The following ATAD2B variants were observed in gnomAD, a reference collection of about 807,000 sequenced individuals.
ATAD2B encodes ATPase family AAA domain containing 2B, also known as ATPase family AAA domain-containing protein 2B.
In ATAD2B, 40 loss-of-function variants were observed where a neutral mutation model predicts 167.6. That is an observed-to-expected ratio of 0.24 (90% CI 0.19 to 0.31). The LOEUF (loss-of-function observed/expected upper bound fraction) is 0.31, where lower values mean the gene tolerates loss of function less well. ATAD2B is among the 10% of genes least tolerant of loss of function. ATAD2B has a pLI of 1.00. For missense variants in ATAD2B, 1,242 were observed against 1,757.2 expected, an observed-to-expected ratio of 0.71 and a Z score of 5.24; for synonymous variants, 579 against 596.5, an observed-to-expected ratio of 0.97 and a Z score of 0.43.
chr2:23,871,507 A>G (rs1233145357), intron 8 of ATAD2B, among the ~76,000 whole-genome samples: 1 of 152,150 alleles, frequency 6.6e-6, no homozygotes, highest in African/African-American at 2.4e-5. Context: ...AGGAAAAGCT[A>G]TTACTTCAGT....
At chr2:23,733,994 T>C in the ATAD2B span, among the ~76,000 whole-genome samples, 1 of 152,208 alleles carries the variant, frequency 6.6e-6, no homozygotes, top group African/African-American at 2.4e-5. Context: ...CCTGGGGTGT[T>C]CTTCCCTGAT....
At chr2:23,806,688 C>G (rs1182206401) in intron 18 of ATAD2B, among the ~76,000 whole-genome samples, 1 of 152,048 alleles carries the variant, frequency 6.6e-6, no homozygotes, top group East Asian at 1.9e-4. Context: ...TAAAGTCTTA[C>G]CATTCATTAG....
chr2:23,816,190 A>G (rs1300467437), intron 17 of ATAD2B, among the ~76,000 whole-genome samples: 1 of 152,238 alleles, frequency 6.6e-6, no homozygotes, highest in Non-Finnish European at 1.5e-5. Context: ...ACTCTCATAC[A>G]TTAGTATGAG....
At chr2:23,754,409 G>GT (rs1675710351) in intron 26 of ATAD2B, 102 bp from the exon 27 acceptor site, 2 of 1,267,952 alleles carry the variant, frequency 1.6e-6, no homozygotes, top group South Asian at 1.5e-5. Flanking sequence ...AAGCGAGGAT[G>GT]TAACAGTGAA....
At chr2:23,711,542 G>A in the ATAD2B span, among the ~76,000 whole-genome samples, 2 of 151,510 alleles carry the variant, frequency 1.3e-5, no homozygotes, top group African/African-American at 2.4e-5. Context: ...GCTAATTTTT[G>A]TATTTTTAGT....
chr2:23,834,919 A>G (rs1689683823), intron 13 of ATAD2B, among the ~76,000 whole-genome samples: 1 of 152,152 alleles, frequency 6.6e-6, no homozygotes, highest in South Asian at 2.1e-4. Context: ...AAAATTAGGC[A>G]AAAAATTTGT....
chr2:23,754,217 G>A lies in ATAD2B; in HGVS notation c.4297C>T (p.Arg1433Cys), dbSNP rs767161505. The change falls in exon 27 of 28, where the codon CGT becomes TGT. Residue 1433 changes from arginine (R) to cysteine (C), a missense_variant. Arg to Cys is a radical substitution (Grantham distance 180). This residue lies in a region of ATAD2B where 282 missense variants were observed against 346.8 expected (regional missense o/e 0.81). Transcript: ENST00000238789. ...LYSLLSQCIY[R>C]HRKDYDKSQL... ...GATTTGTCATAATCTTTACGATGACGGTAGATACACTGACTAAGAAGAGAA... is the reference window on the plus strand; with the variant it reads ...GATTTGTCATAATCTTTACGATGACAGTAGATACACTGACTAAGAAGAGAA... 10 of 1,557,244 alleles carry A rather than the reference G, an allele frequency of 6.4e-6. No homozygotes were observed. Among genetic ancestry groups the A allele is most frequent in the East Asian group, 2.3e-5 (1 of 42,554 alleles).
intron 22 of ATAD2B, among the ~76,000 whole-genome samples, chr2:23,778,624 T>C (rs568142012): frequency 2.0e-5 from 3 of 152,318 alleles, no homozygotes; most frequent in East Asian, 1.9e-4. Context: ...TCTTATCATG[T>C]CCCAGCTACT....
the ATAD2B span, among the ~76,000 whole-genome samples, chr2:23,699,692 G>A: frequency 3.3e-5 from 5 of 151,992 alleles, no homozygotes; most frequent in Non-Finnish European, 4.4e-5. Context: ...TTGCCTTCTC[G>A]GCGCCCAGCC....
At chr2:23,680,876 G>C in the ATAD2B span, among the ~76,000 whole-genome samples, 1 of 152,156 alleles carries the variant, frequency 6.6e-6, no homozygotes, top group Non-Finnish European at 1.5e-5. This position sits in a 1 kb window ranked among gnomAD's most constrained non-coding sequence, Gnocchi z 4.1. Flanking sequence ...GGTGCCAGGT[G>C]CTTCTGGAAG....
intron 13 of ATAD2B, among the ~76,000 whole-genome samples, chr2:23,840,331 T>C (rs969042148): frequency 7.9e-5 from 12 of 152,330 alleles, no homozygotes; most frequent in Admixed American, 5.2e-4. Context: ...CTAATACTGC[T>C]TATCTGTCTT....
rs1479381182 is a variant in ATAD2B at position 23,863,342 on chromosome 2, A to C, written c.1479+39T>G. ...AAACAAAGAAAGAAAAGAACAGAAC[A>C]GAACAGAAAAGACTCTTGAATTAGA... On this transcript the variant is annotated intron_variant, in intron 12 of 27. Transcript: ENST00000238789. The C allele has an allele frequency of 2.0e-6, 3 of 1,533,002 alleles. No individual in the cohort carries two copies. In the Admixed American group the frequency reaches 6.4e-5, roughly 33 times the overall value. The allele number at this position is 1,533,002 out of a possible 1,614,324, so 95.0% of individuals were successfully genotyped here.
intron 18 of ATAD2B, among the ~76,000 whole-genome samples, chr2:23,799,012 T>C (rs1017179568): frequency 2.0e-5 from 3 of 152,204 alleles, no homozygotes; most frequent in Non-Finnish European, 4.4e-5. Context: ...ATAGTTTCAA[T>C]CACGCTCTGC....
At chr2:23,702,714 T>C in the ATAD2B span, among the ~76,000 whole-genome samples, 1 of 152,158 alleles carries the variant, frequency 6.6e-6, no homozygotes, top group Non-Finnish European at 1.5e-5. Flanking sequence ...GCATCCTGCA[T>C]GTAATTATTC....
At chr2:23,697,536 G>A in the ATAD2B span, 1 of 152,296 alleles carries the variant, frequency 6.6e-6, no homozygotes, top group African/African-American at 2.4e-5. Flanking sequence ...TGTTGCCTAT[G>A]AAGCCACACA....
chr2:23,893,364 T>A (rs1013923727), intron 2 of ATAD2B, among the ~76,000 whole-genome samples: 1 of 152,104 alleles, frequency 6.6e-6, no homozygotes. Context: ...TGAAAGGACT[T>A]CAATAAGTTT....
At chr2:23,834,865 G>C (rs1689673847) in intron 13 of ATAD2B, among the ~76,000 whole-genome samples, 2 of 152,002 alleles carry the variant, frequency 1.3e-5, no homozygotes, top group Admixed American at 1.3e-4. Context: ...TTAGCCTGGG[G>C]AACACAGTGA....
chr2:23,814,318 A>G (rs1686089963), intron 17 of ATAD2B, among the ~76,000 whole-genome samples: 1 of 152,228 alleles, frequency 6.6e-6, no homozygotes, highest in Non-Finnish European at 1.5e-5. Context: ...CCTTAGCCCT[A>G]AGTATCAAAC....
chr2:23,803,345 C>T (rs959409343), intron 18 of ATAD2B, among the ~76,000 whole-genome samples: 13 of 152,040 alleles, frequency 8.6e-5, no homozygotes, highest in Non-Finnish European at 1.5e-5. Flanking sequence ...CACACGCGCA[C>T]GCATTTGTTT....
Sources: allele counts gnomAD v4.1 joint callset (sites outside exome capture counted in the v4.1 genomes callset), GRCh38; gene constraint gnomAD v4.1.1; regional missense constraint gnomAD v4.1.1; non-coding constraint Gnocchi (gnomAD v3.1); transcripts MANE v1.5; gene names NCBI Gene and HGNC (gene_info 2026-07-23, HGNC 2026-07-21).